Variants in BCAP29 observed in about 807,000 individuals in gnomAD.
BCAP29 encodes B-cell receptor-associated protein 29.
BCAP29 carries 34 observed loss-of-function variants against 31.8 expected under a neutral mutation model. That is an observed-to-expected ratio of 1.07 (90% confidence interval 0.81 to 1.42). The LOEUF is 1.42. Ranked by LOEUF, BCAP29 falls within the 40% of genes most tolerant of loss-of-function variation. The pLI is 0.00. For missense variants in BCAP29, 314 were observed against 269.2 expected, an observed-to-expected ratio of 1.17 and a Z score of -1.16; for synonymous variants, 104 against 91.3, an observed-to-expected ratio of 1.14 and a Z score of -0.79.
rs1471260011 is a variant in BCAP29 at position 107,590,881 on chromosome 7, G to T, written c.194-3074G>T. The stretch of plus-strand genomic sequence containing the variant: ...ATAATCCTAAAGTATCTACAAGAAA[G>T]TTATTATGTCAAAGAAATTAATATA... On this transcript the variant is annotated intron_variant, in intron 3 of 7. Coordinates refer to ENST00000005259, the MANE Select transcript of BCAP29 (RefSeq NM_018844.4). 2.0e-5 allele frequency among the ~76,000 whole-genome samples: 3 copies of T among 151,442 alleles called. No homozygotes were observed. The East Asian group carries it at 5.8e-4, about 29-fold the overall frequency.
At chr7:107,616,702 A>G (rs1254277613) in intron 7 of BCAP29, among the ~76,000 whole-genome samples, 10 of 151,956 alleles carry the variant, frequency 6.6e-5, no homozygotes, top group Non-Finnish European at 1.3e-4. Context: ...CCTGTATAAG[A>G]TTCTCAGATT....
intron 3 of BCAP29, among the ~76,000 whole-genome samples, chr7:107,586,334 C>G (rs1242993655): frequency 6.6e-6 from 1 of 152,126 alleles, no homozygotes; most frequent in Non-Finnish European, 1.5e-5. Flanking sequence ...CCAGCTAGTA[C>G]CAGTTATCTA....
chr7:107,588,956 T>G (rs1808213935), intron 3 of BCAP29, among the ~76,000 whole-genome samples: 1 of 152,206 alleles, frequency 6.6e-6, no homozygotes, highest in Admixed American at 6.5e-5. Context: ...AGACAGAGTT[T>G]GGAGTATGAG....
chr7:107,618,245 G>C (rs1000463060), intron 7 of BCAP29, 83 bp from the exon 8 acceptor site: 2 of 965,632 alleles, frequency 2.1e-6, no homozygotes, highest in African/African-American at 3.3e-5. Flanking sequence ...ATAGAAGAGA[G>C]AATGTTTTTT....
At chr7:107,613,743 C>A in intron 7 of BCAP29, 1 of 1,610,918 alleles carries the variant, frequency 6.2e-7, no homozygotes, top group Non-Finnish European at 8.5e-7. Flanking sequence ...GTGAGTTTTG[C>A]TCTTTGGGAT....
chr7:107,606,417 T>C (rs1812104743), intron 6 of BCAP29, among the ~76,000 whole-genome samples: 1 of 152,258 alleles, frequency 6.6e-6, no homozygotes, highest in Non-Finnish European at 1.5e-5. Flanking sequence ...GAAAAATCTT[T>C]TCACAGTAAC....
chr7:107,594,749 G>A (rs1389082114), intron 4 of BCAP29, among the ~76,000 whole-genome samples: 3 of 152,068 alleles, frequency 2.0e-5, no homozygotes, highest in East Asian at 1.9e-4. Flanking sequence ...TGATCCTCCC[G>A]CCTCGGCCTC....
intron 3 of BCAP29, among the ~76,000 whole-genome samples, chr7:107,586,583 G>C (rs1473277795): frequency 6.6e-6 from 1 of 152,122 alleles, no homozygotes; most frequent in African/African-American, 2.4e-5. Flanking sequence ...TCTGATGTTC[G>C]AGTCCACAAC....
chr7:107,599,018 T>TATATAC (rs1563133557), intron 5 of BCAP29, among the ~76,000 whole-genome samples: 1 of 138,358 alleles, frequency 7.2e-6, no homozygotes, highest in Non-Finnish European at 1.5e-5. Context: ...AATTTATATA[T>TATATAC]ATAAATTTAT....
rs75225578 is a variant in BCAP29 at position 107,617,776 on chromosome 7, A to G, written c.691-552A>G. Among the ~76,000 whole-genome samples the G allele has an allele frequency of 8.1e-3, 1,240 of 152,296 alleles. 51 individuals are homozygous for G. In the East Asian group the frequency reaches 0.095, roughly 12 times the overall value. ...CGAACTTCTTTATACAAGCAATAAC[A>G]CTCTGCAACCCCATTTTATGAGATA... On this transcript the variant is annotated intron_variant, in intron 7 of 7. Transcript: ENST00000005259.
chr7:107,594,753 C>T (rs1029701667), intron 4 of BCAP29, among the ~76,000 whole-genome samples: 21 of 152,124 alleles, frequency 1.4e-4, no homozygotes, highest in African/African-American at 4.8e-4. Flanking sequence ...CCTCCCGCCT[C>T]GGCCTCCCAA....
At chr7:107,612,292 A>C (rs929066363) in intron 6 of BCAP29, among the ~76,000 whole-genome samples, 1 of 150,808 alleles carries the variant, frequency 6.6e-6, no homozygotes, top group Non-Finnish European at 1.5e-5. Flanking sequence ...ACTATATGAG[A>C]TAAAAGTTTC....
intron 2 of BCAP29, among the ~76,000 whole-genome samples, chr7:107,581,323 C>T (rs973388048): frequency 2.6e-5 from 4 of 152,110 alleles, no homozygotes; most frequent in African/African-American, 9.7e-5. Flanking sequence ...TTAGTTTTCG[C>T]CTTTGTAACC....
intron 3 of BCAP29, chr7:107,587,594 T>C (rs1357546392): frequency 6.6e-6 from 1 of 152,096 alleles, no homozygotes; most frequent in African/African-American, 2.4e-5. Flanking sequence ...ATTGAGGCAA[T>C]CTGAGAAATG....
intron 1 of BCAP29, chr7:107,580,527 A>C: frequency 2.3e-6 from 1 of 439,662 alleles, no homozygotes; most frequent in South Asian, 3.4e-5. Context: ...AGCTGGCGGA[A>C]AAGGCAGTGG....
Position 107,581,274 on chromosome 7 carries a change from T to C in BCAP29, c.92+410T>C, listed in dbSNP as rs376844462. The stretch of plus-strand genomic sequence containing the variant: ...GTGTAAAAGTGTTTCACTGAGGCAC[T>C]GGAACAGCAATTTAGAAACCAAAGC... On this transcript the variant is annotated intron_variant, in intron 2 of 7. Transcript: ENST00000005259. 4.7e-4 allele frequency among the ~76,000 whole-genome samples: 72 copies of C among 152,346 alleles called. 1 individual carries two copies. The South Asian group carries it at 0.014, about 31-fold the overall frequency.
chr7:107,593,834 T>G, intron 3 of BCAP29, 121 bp from the exon 4 acceptor site: 1 of 917,888 alleles, frequency 1.1e-6, no homozygotes, highest in East Asian at 2.6e-5. Flanking sequence ...GACATAAAGG[T>G]CGCCTCTGCC....
In BCAP29 at chr7:107,599,205, T is replaced by TA. The variant is rs1284311701; in HGVS notation, c.481-1192_481-1191insA. 9.4e-5 allele frequency among the ~76,000 whole-genome samples: 12 copies of TA among 127,376 alleles called. 1 individual carries two copies. Among genetic ancestry groups the TA allele is most frequent in the Admixed American group, 6.3e-4 (7 of 11,040 alleles). The allele number at this position is 127,376 out of a possible 152,430, so 83.6% of individuals were successfully genotyped here. A position where few individuals can be genotyped will look rare whatever the true frequency, so the allele number is the denominator to read the frequency against. ...AATTTATATGTATATAAATACATATTTATAAATATATATATACATAATTAT... is the reference window on the plus strand; with the variant it reads ...AATTTATATGTATATAAATACATATTATATAAATATATATATACATAATTAT... On this transcript the variant is annotated intron_variant, in intron 5 of 7. Coordinates refer to ENST00000005259, the MANE Select transcript of BCAP29 (RefSeq NM_018844.4).
intron 5 of BCAP29, among the ~76,000 whole-genome samples, chr7:107,597,896 T>G (rs1328806060): frequency 6.6e-6 from 1 of 152,228 alleles, no homozygotes; most frequent in African/African-American, 2.4e-5. Context: ...TTCTTCAGTG[T>G]GATAGAGCTT....
Sources: gnomAD v4.1 joint callset for allele counts (sites outside exome capture counted in the v4.1 genomes callset) on GRCh38, gnomAD v4.1.1 for gene constraint, MANE v1.5 for transcripts, NCBI Gene and HGNC (gene_info 2026-07-23, HGNC 2026-07-21) for gene names.